PAPOLG: variants seen among roughly 807,000 people sequenced by gnomAD.
PAPOLG encodes PAP-gamma.
Under a neutral mutation model 99.0 loss-of-function variants are expected in PAPOLG, and 40 were observed. The observed-to-expected ratio is 0.40, with a 90% CI of 0.31 to 0.53. The LOEUF (loss-of-function observed/expected upper bound fraction) is 0.53, where lower values mean the gene tolerates loss of function less well. Among genes scored for constraint, PAPOLG ranks in the 20% least tolerant of loss-of-function variants. The probability of loss-of-function intolerance (pLI) is 0.41; values close to 1 mark genes in which losing one functional copy is unlikely to be tolerated. For missense variants in PAPOLG, 675 were observed against 884.1 expected, an observed-to-expected ratio of 0.76 and a Z score of 3.00; for synonymous variants, 310 against 299.3, an observed-to-expected ratio of 1.04 and a Z score of -0.37.
Position 60,756,460 on chromosome 2 carries a change from G to C in PAPOLG, c.-19G>C, listed in dbSNP as rs781738997. ...TCCAGAGCGATAAACACTCGCTGGA[G>C]AGGGAGACGCAGGAAGCGATGAAAG... On this transcript the variant is annotated 5_prime_UTR_variant, in exon 1 of 22. Transcript: ENST00000238714. 2 of 1,612,662 alleles carry C rather than the reference G, an allele frequency of 1.2e-6. No individual in the cohort carries two copies. Among genetic ancestry groups the C allele is most frequent in the Non-Finnish European group, 1.7e-6 (2 of 1,179,502 alleles).
At chr2:60,784,808 A>G (rs1033408284) in intron 13 of PAPOLG, among the ~76,000 whole-genome samples, 1 of 152,242 alleles carries the variant, frequency 6.6e-6, no homozygotes, top group East Asian at 1.9e-4. Flanking sequence ...GAATAGGTGT[A>G]ACAAAGACTG....
chr2:60,797,252 G>A lies in PAPOLG; in HGVS notation c.*92G>A. 1 of 1,473,954 alleles carries A rather than the reference G, an allele frequency of 6.8e-7. No individual in the cohort carries two copies. The highest frequency in any genetic ancestry group is 9.4e-7 in the Non-Finnish European group (1 of 1,065,056). The allele number at this position is 1,473,954 out of a possible 1,614,324, so 91.3% of individuals were successfully genotyped here. A position where few individuals can be genotyped will look rare whatever the true frequency, so the allele number is the denominator to read the frequency against. ...TTAAATAGAAGTGGCTGTCATACGT[G>A]AAATAAGGTGAAAGTGACAGCCTTC... On this transcript the variant is annotated 3_prime_UTR_variant, in exon 22 of 22. Coordinates refer to ENST00000238714, the MANE Select transcript of PAPOLG (RefSeq NM_022894.4).
chr2:60,792,045 T>G, intron 16 of PAPOLG, 84 bp from the exon 17 acceptor site: 1 of 1,476,874 alleles, frequency 6.8e-7, no homozygotes, highest in Admixed American at 2.3e-5. Context: ...AAGAGATAAT[T>G]TGCTTAAGTG....
Position 60,775,017 on chromosome 2 carries a change from T to C in PAPOLG, c.605-17T>C. On this transcript the variant is annotated splice_polypyrimidine_tract_variant and intron_variant, in intron 7 of 21. Coordinates refer to ENST00000238714, the MANE Select transcript of PAPOLG (RefSeq NM_022894.4). ...AATTTGCTGCATAGTGAAAAATGAATGCTTTGTCTTTTTCAGGTTGTAGAG... is the reference window on the plus strand; with the variant it reads ...AATTTGCTGCATAGTGAAAAATGAACGCTTTGTCTTTTTCAGGTTGTAGAG... 6.2e-7 allele frequency: 1 copy of C among 1,611,902 alleles called. No individual in the cohort carries two copies. The highest frequency in any genetic ancestry group is 8.5e-7 in the Non-Finnish European group (1 of 1,179,440).
chr2:60,780,860 T>A (rs1329482975), intron 10 of PAPOLG, 81 bp downstream of exon 10: 2 of 1,092,330 alleles, frequency 1.8e-6, no homozygotes, highest in East Asian at 4.7e-5. Context: ...TTAAAGATAG[T>A]TCCTCTTGTC....
At chr2:60,766,679 TAAA>T (rs35841274) in intron 3 of PAPOLG, among the ~76,000 whole-genome samples, 2 of 131,982 alleles carry the variant, frequency 1.5e-5, no homozygotes, top group Admixed American at 7.7e-5. Flanking sequence ...TCCATCTGTT[TAAA>T]AAAAAAAAAA....
At chr2:60,784,684 G>A (rs2103808174) in intron 13 of PAPOLG, among the ~76,000 whole-genome samples, 1 of 152,262 alleles carries the variant, frequency 6.6e-6, no homozygotes, top group Non-Finnish European at 1.5e-5. Flanking sequence ...TCAGAAAATA[G>A]GGTCTAGGCC....
At chr2:60,779,825 G>T in intron 9 of PAPOLG, 50 bp downstream of exon 9, 1 of 1,480,334 alleles carries the variant, frequency 6.8e-7, no homozygotes, top group Non-Finnish European at 9.3e-7. Context: ...CTACCTATGC[G>T]TAAGTTTGTT....
At chr2:60,768,226 C>G (rs1383731113) in intron 3 of PAPOLG, among the ~76,000 whole-genome samples, 1 of 152,154 alleles carries the variant, frequency 6.6e-6, no homozygotes, top group East Asian at 1.9e-4. Flanking sequence ...CTCAGCCTAC[C>G]AAGCAGCTGG....
intron 1 of PAPOLG, among the ~76,000 whole-genome samples, chr2:60,757,115 C>T (rs769434390): frequency 1.3e-5 from 2 of 152,150 alleles, no homozygotes; most frequent in Middle Eastern, 3.2e-3. Context: ...CCATTTTGGT[C>T]TATTAGGAAA....
chr2:60,761,516 T>C (rs1046216663), intron 2 of PAPOLG, among the ~76,000 whole-genome samples: 7 of 152,148 alleles, frequency 4.6e-5, no homozygotes, highest in Non-Finnish European at 1.0e-4. Flanking sequence ...TGAAAATAGC[T>C]CAAAAACTAA....
chr2:60,789,526 G>A lies in PAPOLG; in HGVS notation c.1396+1906G>A, dbSNP rs74835079. Among the ~76,000 whole-genome samples, 696 of 152,062 alleles carry A rather than the reference G, an allele frequency of 4.6e-3. 33 individuals are homozygous for A. The East Asian group carries it at 0.11, about 25-fold the overall frequency. On this transcript the variant is annotated intron_variant, in intron 15 of 21. Transcript: ENST00000238714. ...GCTGGGATTACAGGTGTCAACCACCGCACCTGGCCAGACTTTTATGTTTTT... is the reference window on the plus strand; with the variant it reads ...GCTGGGATTACAGGTGTCAACCACCACACCTGGCCAGACTTTTATGTTTTT...
In PAPOLG at chr2:60,783,136, T is replaced by C; in HGVS notation, c.1113-20T>C. 1.3e-6 allele frequency: 2 copies of C among 1,550,780 alleles called. No homozygotes were observed. The highest frequency in any genetic ancestry group is 8.7e-7 in the Non-Finnish European group (1 of 1,154,456). ...AATTTTTCTGGCTTTTTTTCCTGATTGTTGCTGAAAATTCTTCAGACATTA... is the reference window on the plus strand; with the variant it reads ...AATTTTTCTGGCTTTTTTTCCTGATCGTTGCTGAAAATTCTTCAGACATTA... On this transcript the variant is annotated intron_variant, in intron 12 of 21. Coordinates refer to ENST00000238714, the MANE Select transcript of PAPOLG (RefSeq NM_022894.4).
chr2:60,765,661 A>G (rs1285787787), intron 3 of PAPOLG, among the ~76,000 whole-genome samples: 1 of 152,206 alleles, frequency 6.6e-6, no homozygotes, highest in African/African-American at 2.4e-5. Flanking sequence ...ATCCCACATC[A>G]AATCATTTTG....
intron 9 of PAPOLG, among the ~76,000 whole-genome samples, chr2:60,780,426 C>A (rs1671153586): frequency 6.6e-6 from 1 of 152,082 alleles, no homozygotes; most frequent in African/African-American, 2.4e-5. Context: ...TAAGCGTGCA[C>A]CACTAGGCAT....
Position 60,797,075 on chromosome 2 carries a change from A to C in PAPOLG, c.2126A>C (p.Lys709Thr), listed in dbSNP as rs528390262. 2 of 1,612,262 alleles carry C rather than the reference A, an allele frequency of 1.2e-6. No homozygotes were observed. The highest frequency in any genetic ancestry group is 2.7e-5 in the African/African-American group (2 of 75,000). The change falls in exon 22 of 22, where the codon AAA becomes ACA. Residue 709 changes from lysine (K) to threonine (T), a missense_variant. Transcript: ENST00000238714. ...TCTTTCTAATAGAGACTACCCAGTA[A>C]AGAACTACCAGATTCATCATCTCCA... ...DTSRKKRLPSKELPDSSSPVP... is the reference protein window; with the variant it reads ...DTSRKKRLPSTELPDSSSPVP...
Position 60,794,182 on chromosome 2 carries a change from C to T in PAPOLG, c.1980C>T (p.Asp660=), listed in dbSNP as rs745501138. 33 of 1,611,156 alleles carry T rather than the reference C, an allele frequency of 2.0e-5. No individual in the cohort carries two copies. The highest frequency in any genetic ancestry group is 4.5e-5 in the East Asian group (2 of 44,866). Residue 660 remains aspartate, a synonymous_variant, in exon 19 of 22, where the codon GAC becomes GAT. Transcript: ENST00000238714. ...ATGGGACTCCTAAGAGGTTGAAAGA[C>T]GTAGAAAAGGTAAAGTTACAACTTT... ...SIDGTPKRLK[D]VEKFIRLEST...
At chr2:60,762,332 T>C (rs1157673946) in intron 3 of PAPOLG, among the ~76,000 whole-genome samples, 2 of 152,104 alleles carry the variant, frequency 1.3e-5, no homozygotes, top group African/African-American at 2.4e-5. Flanking sequence ...ACAACCTTTT[T>C]CCCCTCCTGT....
chr2:60,796,986 G>A, intron 21 of PAPOLG, 76 bp from the exon 22 acceptor site: 1 of 1,574,834 alleles, frequency 6.3e-7, no homozygotes, highest in Admixed American at 1.8e-5. Context: ...CAAGTTTTGT[G>A]ACTGACTTTC....
Sources: allele counts gnomAD v4.1 joint callset (sites outside exome capture counted in the v4.1 genomes callset), GRCh38; gene constraint gnomAD v4.1.1; transcripts MANE v1.5; gene names NCBI Gene and HGNC (gene_info 2026-07-23, HGNC 2026-07-21).